The following ZNF138 variants were observed in gnomAD, a reference collection of about 807,000 sequenced individuals.
ZNF138 encodes zinc finger protein 138.
Under a neutral mutation model 33.0 loss-of-function variants are expected in ZNF138, and 33 were observed. The ratio of observed to expected loss-of-function variants is 1.00; its 90% CI spans 0.76 to 1.34. ZNF138 has a LOEUF of 1.34. ZNF138 is among the 40% of genes most tolerant of loss of function. The pLI is 0.00. For synonymous variants in ZNF138, 139 were observed against 120.4 expected, an observed-to-expected ratio of 1.15 and a Z score of -1.01; for missense variants, 360 against 370.8, an observed-to-expected ratio of 0.97 and a Z score of 0.24.
At chr7:64,821,060 TTTTTG>T (rs1171949489) in intron 3 of ZNF138, among the ~76,000 whole-genome samples, 2 of 148,448 alleles carry the variant, frequency 1.3e-5, no homozygotes, top group African/African-American at 5.1e-5. Context: ...GTTTTTGGTT[TTTTTG>T]TTTTGTTTTG....
intron 1 of ZNF138, among the ~76,000 whole-genome samples, chr7:64,812,658 T>C (rs1562901400): frequency 6.6e-6 from 1 of 152,132 alleles, no homozygotes; most frequent in African/African-American, 2.4e-5. Flanking sequence ...TCTTCTGTTA[T>C]AAAGGAAAGA....
the ZNF138 span, among the ~76,000 whole-genome samples, chr7:64,839,150 G>A: frequency 1.8e-4 from 27 of 152,322 alleles, no homozygotes; most frequent in Middle Eastern, 3.4e-3. Context: ...TGGTAAGGTC[G>A]TTTAGGATAT....
intron 1 of ZNF138, among the ~76,000 whole-genome samples, chr7:64,799,892 C>G (rs1787004247): frequency 6.6e-6 from 1 of 152,138 alleles, no homozygotes; most frequent in Non-Finnish European, 1.5e-5. Context: ...AGGCGATCCA[C>G]CCACCTCGGC....
chr7:64,832,315 G>A lies in ZNF138; in HGVS notation c.*113G>A. ...CTTATTACACATAAGATAATTCATA[G>A]CGGAGAGAAACCCCACAAATGTGAA... On this transcript the variant is annotated 3_prime_UTR_variant, in exon 4 of 4. Coordinates refer to ENST00000307355, the MANE Select transcript of ZNF138 (RefSeq NM_001271639.2). The A allele has an allele frequency of 6.3e-7, 1 of 1,576,244 alleles. No individual in the cohort carries two copies. The highest frequency in any genetic ancestry group is 8.6e-7 in the Non-Finnish European group (1 of 1,164,040).
At chr7:64,824,933 C>T (rs545938429) in intron 3 of ZNF138, among the ~76,000 whole-genome samples, 1 of 151,542 alleles carries the variant, frequency 6.6e-6, no homozygotes, top group Non-Finnish European at 1.5e-5. Context: ...CCTCTGTCTC[C>T]TGGGTTCAAG....
intron 1 of ZNF138, among the ~76,000 whole-genome samples, chr7:64,797,988 T>C (rs1425015352): frequency 6.6e-6 from 1 of 152,188 alleles, no homozygotes; most frequent in Non-Finnish European, 1.5e-5. Context: ...TTGCCCAGGC[T>C]GGAGTGCAGT....
chr7:64,833,882 G>A (rs575956443), downstream of ZNF138, among the ~76,000 whole-genome samples: 5 of 152,152 alleles, frequency 3.3e-5, no homozygotes, highest in South Asian at 2.1e-4. Context: ...GTACCATCAC[G>A]CCCGGCTAAG....
intron 1 of ZNF138, among the ~76,000 whole-genome samples, chr7:64,797,736 GACTTTGTAAAATAAAACAAAA>G (rs2128982906): frequency 6.6e-6 from 1 of 152,236 alleles, no homozygotes; most frequent in Non-Finnish European, 1.5e-5. Flanking sequence ...GCAGTTTCTA[GACTTTGTAAAATAAAACAAAA>G]TTAGGTTTAT....
intron 1 of ZNF138, among the ~76,000 whole-genome samples, chr7:64,799,785 A>G (rs892130928): frequency 6.6e-6 from 1 of 152,138 alleles, no homozygotes; most frequent in African/African-American, 2.4e-5. Flanking sequence ...CTGGGATTAC[A>G]GGCCTGTGCC....
the ZNF138 span, among the ~76,000 whole-genome samples, chr7:64,847,598 A>G: frequency 6.6e-6 from 1 of 152,004 alleles, no homozygotes; most frequent in Admixed American, 6.6e-5. Context: ...TTTTATTATG[A>G]TATAATGTCC....
the ZNF138 span, chr7:64,852,413 G>T: frequency 3.2e-6 from 5 of 1,553,406 alleles, no homozygotes; most frequent in South Asian, 5.8e-5. Flanking sequence ...GGCCCCGGGT[G>T]TGGGATTCAC....
chr7:64,853,938 G>A, the ZNF138 span, among the ~76,000 whole-genome samples: 1 of 151,776 alleles, frequency 6.6e-6, no homozygotes, highest in Non-Finnish European at 1.5e-5. Context: ...AGGAGGTGGA[G>A]GTTGCAGTGA....
At chr7:64,854,752 C>T in the ZNF138 span, among the ~76,000 whole-genome samples, 5 of 152,092 alleles carry the variant, frequency 3.3e-5, no homozygotes, top group East Asian at 3.9e-4. Flanking sequence ...TTCGGTCTAT[C>T]GTTAAGGTTT....
intron 1 of ZNF138, among the ~76,000 whole-genome samples, chr7:64,803,685 A>G (rs1787341342): frequency 6.6e-6 from 1 of 152,216 alleles, no homozygotes; most frequent in South Asian, 2.1e-4. Flanking sequence ...AGTAATTTCA[A>G]TATTTTTATA....
chr7:64,802,852 C>G (rs75071977), intron 1 of ZNF138, among the ~76,000 whole-genome samples: 4,941 of 152,076 alleles, frequency 0.032, 115 homozygotes, highest in East Asian at 0.076. Context: ...ACAGTCACCC[C>G]CCTGCCCAAC....
At chr7:64,805,550 G>C (rs139774125) in intron 1 of ZNF138, among the ~76,000 whole-genome samples, 48 of 152,314 alleles carry the variant, frequency 3.2e-4, no homozygotes, top group African/African-American at 1.2e-3. Flanking sequence ...GTGGCAATTG[G>C]GATTCATGTA....
intron 1 of ZNF138, among the ~76,000 whole-genome samples, chr7:64,805,843 A>G (rs952781581): frequency 1.3e-5 from 2 of 152,234 alleles, no homozygotes; most frequent in African/African-American, 2.4e-5. Flanking sequence ...GTCGTTGGTT[A>G]TAACCAATTA....
At chr7:64,799,313 T>TG (rs1320136434) in intron 1 of ZNF138, among the ~76,000 whole-genome samples, 1 of 152,010 alleles carries the variant, frequency 6.6e-6, no homozygotes, top group Non-Finnish European at 1.5e-5. Flanking sequence ...ATTACAGACA[T>TG]GCGCCACCAC....
chr7:64,797,573 G>A (rs1339416550), intron 1 of ZNF138, among the ~76,000 whole-genome samples: 1 of 152,048 alleles, frequency 6.6e-6, no homozygotes, highest in Non-Finnish European at 1.5e-5. Flanking sequence ...TGCGGATGTC[G>A]GAGCCTGCTC....
Sources: gnomAD v4.1 joint callset for allele counts (sites outside exome capture counted in the v4.1 genomes callset) on GRCh38, gnomAD v4.1.1 for gene constraint, MANE v1.5 for transcripts, NCBI Gene and HGNC (gene_info 2026-07-23, HGNC 2026-07-21) for gene names.